The following SLIT2 variants were observed in gnomAD, a reference collection of about 807,000 sequenced individuals.
SLIT2 encodes the protein slit homolog 2 protein.
In SLIT2, 41 loss-of-function variants were observed where a neutral mutation model predicts 185.7. The ratio of observed to expected loss-of-function variants is 0.22; its 90% CI spans 0.17 to 0.29. The LOEUF (loss-of-function observed/expected upper bound fraction) is 0.29. Among genes scored for constraint, SLIT2 ranks in the 10% least tolerant of loss-of-function variants. The probability of loss-of-function intolerance (pLI) is 1.00; values close to 1 mark genes in which losing one functional copy is unlikely to be tolerated. For synonymous variants in SLIT2, 693 were observed against 680.2 expected, an observed-to-expected ratio of 1.02 and a Z score of -0.29; for missense variants, 1,571 against 1,909.0, an observed-to-expected ratio of 0.82 and a Z score of 3.30.
intron 4 of SLIT2, among the ~76,000 whole-genome samples, chr4:20,400,167 T>G (rs1188474086): frequency 6.6e-6 from 1 of 151,836 alleles, no homozygotes; most frequent in South Asian, 2.1e-4. Flanking sequence ...TGAATTTGGC[T>G]TAATGAGCAT....
intron 17 of SLIT2, among the ~76,000 whole-genome samples, chr4:20,532,634 A>G (rs1429665380): frequency 1.6e-4 from 25 of 152,172 alleles, no homozygotes; most frequent in Non-Finnish European, 1.3e-4. Context: ...CATGGGACCA[A>G]TGGAGCGCCC....
chr4:20,490,774 C>T (rs1560470790), intron 8 of SLIT2: 6 of 1,478,738 alleles, frequency 4.1e-6, no homozygotes, highest in Non-Finnish European at 5.5e-6. Context: ...ACTTTTTTCT[C>T]TCTTCACTTT....
chr4:20,348,465 T>A (rs911903464), intron 4 of SLIT2, among the ~76,000 whole-genome samples: 3 of 151,776 alleles, frequency 2.0e-5, no homozygotes, highest in Admixed American at 2.0e-4. Context: ...CCAGGGCTGG[T>A]CTGGAACTCC....
intron 12 of SLIT2, among the ~76,000 whole-genome samples, chr4:20,521,467 G>A (rs770029773): frequency 2.0e-5 from 3 of 152,188 alleles, no homozygotes; most frequent in Non-Finnish European, 4.4e-5. Context: ...GTTAAAGTGA[G>A]TACAAACTGC....
intron 4 of SLIT2, among the ~76,000 whole-genome samples, chr4:20,288,537 G>A (rs1715496839): frequency 6.6e-6 from 1 of 152,174 alleles, no homozygotes; most frequent in African/African-American, 2.4e-5. Flanking sequence ...TAGTAAATCA[G>A]CTTATTGGGG....
intron 34 of SLIT2, among the ~76,000 whole-genome samples, chr4:20,611,810 AG>A (rs1295449246): frequency 2.6e-5 from 4 of 152,208 alleles, no homozygotes; most frequent in African/African-American, 9.6e-5. Context: ...TAGTCCCTGA[AG>A]AGCAATCTCA....
At chr4:20,334,446 A>G (rs969167451) in intron 4 of SLIT2, among the ~76,000 whole-genome samples, 2 of 152,200 alleles carry the variant, frequency 1.3e-5, no homozygotes, top group Non-Finnish European at 2.9e-5. Flanking sequence ...AACCTACTTT[A>G]AAAGGTTGCC....
chr4:20,381,629 C>G (rs1724521648), intron 4 of SLIT2, among the ~76,000 whole-genome samples: 1 of 152,050 alleles, frequency 6.6e-6, no homozygotes, highest in Admixed American at 6.6e-5. Context: ...GTAGTATAAC[C>G]TGTATTGATT....
intron 4 of SLIT2, among the ~76,000 whole-genome samples, chr4:20,394,024 A>G (rs1215563931): frequency 6.6e-6 from 1 of 151,964 alleles, no homozygotes; most frequent in African/African-American, 2.4e-5. Flanking sequence ...CCATGGTGGT[A>G]TTTTATTATA....
At chr4:20,388,600 C>G (rs1212622522) in intron 4 of SLIT2, among the ~76,000 whole-genome samples, 1 of 151,550 alleles carries the variant, frequency 6.6e-6, no homozygotes, top group Non-Finnish European at 1.5e-5. Context: ...ATGGCAAAAC[C>G]CCATCTCTAC....
At chr4:20,297,146 CT>C (rs1418166814) in intron 4 of SLIT2, among the ~76,000 whole-genome samples, 2 of 151,994 alleles carry the variant, frequency 1.3e-5, no homozygotes, top group Non-Finnish European at 2.9e-5. Flanking sequence ...GTACTCATTT[CT>C]TTTTTGAAAA....
At chr4:20,599,681 T>G (rs561878164) in intron 33 of SLIT2, among the ~76,000 whole-genome samples, 1 of 152,036 alleles carries the variant, frequency 6.6e-6, no homozygotes, top group Non-Finnish European at 1.5e-5. Flanking sequence ...AAGGCAGAAA[T>G]CTGGGGTTTT....
At chr4:20,400,979 T>A (rs1166328823) in intron 4 of SLIT2, among the ~76,000 whole-genome samples, 5 of 151,868 alleles carry the variant, frequency 3.3e-5, no homozygotes, top group African/African-American at 1.2e-4. Context: ...TGTATCTGTT[T>A]AGGGTTGGAG....
At chr4:20,571,879 T>C (rs992631178) in intron 29 of SLIT2, among the ~76,000 whole-genome samples, 1 of 152,222 alleles carries the variant, frequency 6.6e-6, no homozygotes, top group Non-Finnish European at 1.5e-5. Context: ...GTGACAGTTT[T>C]TGTATTTGAC....
chr4:20,476,407 T>C (rs1577736052), intron 5 of SLIT2, among the ~76,000 whole-genome samples: 1 of 152,244 alleles, frequency 6.6e-6, no homozygotes, highest in Middle Eastern at 3.4e-3. Flanking sequence ...AACTAAATTT[T>C]TGGAGTTTTC....
In SLIT2 at chr4:20,567,588, TAAAG is replaced by T. The variant is rs1456789206; in HGVS notation, c.2922_2925del (p.Gly977LysfsTer67). On this transcript the variant is annotated frameshift_variant, in exon 28 of 37. Coordinates refer to ENST00000504154, the MANE Select transcript of SLIT2 (RefSeq NM_004787.4). LOFTEE classifies it high-confidence loss of function. Reference sequence around the variant, plus strand: ...TGTAAACATGGAGGAACTTGCCACTTAAAGGAAGGAGAAGAAGATGGATTCTGGT... The same window carrying T: ...TGTAAACATGGAGGAACTTGCCACTTGAAGGAGAAGAAGATGGATTCTGGT... 6.2e-7 allele frequency: 1 copy of T among 1,612,994 alleles called. No individual in the cohort carries two copies.
rs556689353 is a variant in SLIT2 at position 20,501,968 on chromosome 4, A to G, written c.915-8527A>G. ...TTCATGATAAGAAAATTCTTCATTT[A>G]TATTTTTTTTTTGCAACTTATTTCT... is the stretch of plus-strand genomic sequence containing the variant. On this transcript the variant is annotated intron_variant, in intron 9 of 36. Transcript: ENST00000504154. Among the ~76,000 whole-genome samples, 3 of 152,260 alleles carry G rather than the reference A, an allele frequency of 2.0e-5. No individual in the cohort carries two copies. The East Asian group carries it at 5.8e-4, about 29-fold the overall frequency.
intron 29 of SLIT2, among the ~76,000 whole-genome samples, chr4:20,579,845 C>G (rs1341241713): frequency 6.6e-6 from 1 of 151,110 alleles, no homozygotes; most frequent in African/African-American, 2.4e-5. Flanking sequence ...CAAAAAATTA[C>G]TATAGTTAAG....
At chr4:20,443,991 C>T (rs753780127) in intron 4 of SLIT2, among the ~76,000 whole-genome samples, 13 of 152,030 alleles carry the variant, frequency 8.6e-5, no homozygotes, top group African/African-American at 1.2e-4. Context: ...AAAAGAAATA[C>T]GAGTTAAACA....
Sources: allele counts gnomAD v4.1 joint callset (sites outside exome capture counted in the v4.1 genomes callset), GRCh38; gene constraint gnomAD v4.1.1; transcripts MANE v1.5; gene names NCBI Gene and HGNC (gene_info 2026-07-23, HGNC 2026-07-21).